Variants in RABGAP1L observed in about 807,000 individuals in gnomAD.
RABGAP1L encodes rab GTPase-activating protein 1-like.
RABGAP1L carries 63 observed loss-of-function variants against 137.7 expected under a neutral mutation model. The observed-to-expected ratio is 0.46, with a 90% CI of 0.37 to 0.56. The LOEUF is 0.56. Among genes scored for constraint, RABGAP1L ranks in the 20% least tolerant of loss-of-function variants. The pLI is 0.00. For missense variants in RABGAP1L, 1,095 were observed against 1,244.0 expected (o/e 0.88, Z 1.80); for synonymous variants, 431 against 433.7 (o/e 0.99, Z 0.08).
intron 11 of RABGAP1L, among the ~76,000 whole-genome samples, chr1:174,349,578 A>AGGT (rs1682857736): frequency 9.1e-6 from 1 of 110,056 alleles, no homozygotes; most frequent in African/African-American, 3.4e-5. Flanking sequence ...CTGGCCGGGC[A>AGGT]GGGGGGCTGA....
intron 13 of RABGAP1L, among the ~76,000 whole-genome samples, chr1:174,529,445 A>T (rs1285068542): frequency 1.3e-5 from 2 of 152,122 alleles, no homozygotes; most frequent in Non-Finnish European, 2.9e-5. Flanking sequence ...TTAGTGGCTT[A>T]GGGTGTAGTT....
chr1:174,903,329 G>A (rs568457807), intron 19 of RABGAP1L, among the ~76,000 whole-genome samples: 80 of 152,312 alleles, frequency 5.3e-4, no homozygotes, highest in Non-Finnish European at 8.5e-4. Context: ...TTTATGAAAT[G>A]TGCATCTGGT....
chr1:174,576,523 C>T (rs1322503705), intron 13 of RABGAP1L, among the ~76,000 whole-genome samples: 1 of 152,188 alleles, frequency 6.6e-6, no homozygotes, highest in African/African-American at 2.4e-5. Flanking sequence ...GGCAGTCCAA[C>T]CTGGCATTGT....
At chr1:174,229,878 C>T (rs957683915) in intron 3 of RABGAP1L, among the ~76,000 whole-genome samples, 7 of 152,242 alleles carry the variant, frequency 4.6e-5, no homozygotes, top group East Asian at 1.9e-4. Flanking sequence ...TTTACAGTCC[C>T]GCCAACAGTG....
intron 15 of RABGAP1L, among the ~76,000 whole-genome samples, chr1:174,695,484 C>T (rs1679180642): frequency 6.6e-6 from 1 of 152,068 alleles, no homozygotes; most frequent in African/African-American, 2.4e-5. Context: ...TTTTTGTTAA[C>T]TTTATCTGAT....
At chr1:174,925,113 C>G (rs996319133) in intron 19 of RABGAP1L, among the ~76,000 whole-genome samples, 7 of 152,180 alleles carry the variant, frequency 4.6e-5, no homozygotes, top group Admixed American at 3.3e-4. Context: ...TGCCTGTAAT[C>G]CCAGCACTTT....
intron 13 of RABGAP1L, among the ~76,000 whole-genome samples, chr1:174,438,374 G>A (rs912303650): frequency 6.6e-6 from 1 of 152,054 alleles, no homozygotes; most frequent in Non-Finnish European, 1.5e-5. Context: ...TGAATCTGAA[G>A]ATCAATTTGA....
rs1385128633 is a variant in RABGAP1L, at chr1:174,830,857, A to G, written c.2340+18897A>G. 1.4e-5 allele frequency among the ~76,000 whole-genome samples: 2 copies of G among 148,082 alleles called. 1 individual carries two copies. Among genetic ancestry groups the G allele is most frequent in the Non-Finnish European group, 3.0e-5 (2 of 66,560 alleles). On this transcript the variant is annotated intron_variant, in intron 19 of 25. Transcript: ENST00000681986. ...ACCTGGCATCAGTTTAGGGTCTCTG[A>G]TAGCAGAAACAGTAGATGATTATGA... is the stretch of plus-strand genomic sequence containing the variant.
chr1:174,354,653 TC>T (rs535792186), intron 11 of RABGAP1L, among the ~76,000 whole-genome samples: 5,265 of 152,284 alleles, frequency 0.035, 120 homozygotes, highest in Middle Eastern at 0.088. Flanking sequence ...GTGCAGAAGC[TC>T]TTTAGTTTAA....
chr1:174,194,681 C>T lies in RABGAP1L; in HGVS notation c.-33-24444C>T, dbSNP rs571808962. ...TTACCTGACATCTGGTGGGCCGGCA[C>T]GCCTTAGCCACAGTCTCTTGAATAG... On this transcript the variant is annotated intron_variant, in intron 1 of 25. Coordinates refer to ENST00000681986, the MANE Select transcript of RABGAP1L (RefSeq NM_001366446.1). Among the ~76,000 whole-genome samples, 228 of 152,184 alleles carry T rather than the reference C, an allele frequency of 1.5e-3. 1 individual carries two copies. Among genetic ancestry groups the T allele is most frequent in the South Asian group, 4.4e-3 (21 of 4,822 alleles).
intron 19 of RABGAP1L, among the ~76,000 whole-genome samples, chr1:174,879,247 C>T (rs1653735099): frequency 6.6e-6 from 1 of 152,116 alleles, no homozygotes; most frequent in Admixed American, 6.5e-5. Flanking sequence ...ACTACAGGTG[C>T]ACACCACCAT....
chr1:174,301,177 G>C (rs572590650), intron 10 of RABGAP1L, among the ~76,000 whole-genome samples: 1 of 152,070 alleles, frequency 6.6e-6, no homozygotes, highest in East Asian at 2.0e-4. Flanking sequence ...TGCTGACACA[G>C]AAGCAGGCTT....
chr1:174,309,176 T>C lies in RABGAP1L; in HGVS notation c.1465+4049T>C, dbSNP rs575366932. Among the ~76,000 whole-genome samples, 43 of 152,146 alleles carry C rather than the reference T, an allele frequency of 2.8e-4. No individual in the cohort carries two copies. In the South Asian group the frequency reaches 7.3e-3, roughly 26 times the overall value. Reference sequence around the variant, plus strand: ...TTAAAAAATTAGTTTTCAGATAGTTTGCTGTTACTCTGTAGGAATTCTACT... The same window carrying C: ...TTAAAAAATTAGTTTTCAGATAGTTCGCTGTTACTCTGTAGGAATTCTACT... On this transcript the variant is annotated intron_variant, in intron 11 of 25. Transcript: ENST00000681986.
At chr1:174,537,295 CAT>C (rs1359536058) in intron 13 of RABGAP1L, among the ~76,000 whole-genome samples, 1 of 152,148 alleles carries the variant, frequency 6.6e-6, no homozygotes, top group East Asian at 1.9e-4. Flanking sequence ...ATTTGAGAAA[CAT>C]AGAGCTATAT....
At chr1:174,652,856 C>T (rs78555397) in intron 14 of RABGAP1L, among the ~76,000 whole-genome samples, 3,232 of 152,284 alleles carry the variant, frequency 0.021, 54 homozygotes, top group Middle Eastern at 0.085. Flanking sequence ...TCTTTACAGC[C>T]GGCAGGCAGG....
intron 13 of RABGAP1L, among the ~76,000 whole-genome samples, chr1:174,547,266 C>G (rs1386825567): frequency 6.6e-6 from 1 of 151,968 alleles, no homozygotes; most frequent in East Asian, 1.9e-4. Flanking sequence ...ATTTAGCAGA[C>G]CAGTTCTCAG....
rs764314415 is a variant in RABGAP1L, at chr1:174,957,564, T to C, written c.2433+15T>C. On this transcript the variant is annotated intron_variant, in intron 20 of 25. Transcript: ENST00000681986. ...ATAGATACAAGGTATGAGAAATATG[T>C]TGCACCTATCAAAGTACCTTCTTTT... 6.3e-7 allele frequency: 1 copy of C among 1,578,084 alleles called. No individual in the cohort carries two copies. Among genetic ancestry groups the C allele is most frequent in the Non-Finnish European group, 8.7e-7 (1 of 1,147,730 alleles).
intron 18 of RABGAP1L, among the ~76,000 whole-genome samples, chr1:174,778,291 T>C (rs1243667625): frequency 6.6e-6 from 1 of 151,914 alleles, no homozygotes; most frequent in African/African-American, 2.4e-5. Context: ...ACAAAACAAA[T>C]GCAAAAATGT....
chr1:174,759,969 A>G (rs2148699512), intron 18 of RABGAP1L, among the ~76,000 whole-genome samples: 1 of 152,272 alleles, frequency 6.6e-6, no homozygotes, highest in Admixed American at 6.5e-5. Context: ...ACACTTCAAC[A>G]TGAGATTTGG....
Sources: allele counts gnomAD v4.1 joint callset (sites outside exome capture counted in the v4.1 genomes callset), GRCh38; gene constraint gnomAD v4.1.1; transcripts MANE v1.5; gene names NCBI Gene and HGNC (gene_info 2026-07-23, HGNC 2026-07-21).